Variants in MACF1 observed in about 807,000 individuals in gnomAD.
The protein encoded by MACF1 is microtubule actin crosslinking factor 1.
MACF1 carries 193 observed loss-of-function variants against 854.8 expected under a neutral mutation model. The observed-to-expected ratio is 0.23, with a 90% CI of 0.20 to 0.25. MACF1 has a LOEUF of 0.25. Ranked by LOEUF, MACF1 falls within the 10% of genes least tolerant of loss-of-function variation. The pLI, the probability that MACF1 is intolerant of heterozygous loss-of-function variation, is 1.00. For synonymous variants in MACF1, 3,185 were observed against 3,226.7 expected (o/e 0.99, Z 0.44); for missense variants, 7,722 against 8,929.1 (o/e 0.86, Z 5.45).
At chr1:39,102,018 T>C (rs991970630) in intron 2 of MACF1, among the ~76,000 whole-genome samples, 20 of 149,668 alleles carry the variant, frequency 1.3e-4, no homozygotes, top group Admixed American at 1.2e-3. Context: ...CTACTAAAAA[T>C]ACAAAAAATT....
At chr1:39,166,960 G>C (rs1239022130) in intron 2 of MACF1, among the ~76,000 whole-genome samples, 1 of 151,736 alleles carries the variant, frequency 6.6e-6, no homozygotes, top group Non-Finnish European at 1.5e-5. Context: ...TAAAGAGCAG[G>C]GATGTTAAAT....
chr1:39,228,763 C>T (rs1425813601), intron 1 of MACF1, among the ~76,000 whole-genome samples: 1 of 152,220 alleles, frequency 6.6e-6, no homozygotes, highest in Non-Finnish European at 1.5e-5. Context: ...AAGCGATTCT[C>T]CTGCCTCAGC....
intron 58 of MACF1, among the ~76,000 whole-genome samples, chr1:39,406,749 A>C (rs996282088): frequency 1.3e-5 from 2 of 150,724 alleles, no homozygotes; most frequent in South Asian, 4.2e-4. Context: ...AAAAAAAAAA[A>C]AAAAAAAAAC....
At chr1:39,436,346 C>G in intron 70 of MACF1, 1 of 836,328 alleles carries the variant, frequency 1.2e-6, no homozygotes, top group African/African-American at 1.7e-5. Context: ...TGTACTTACT[C>G]AAGTTTCTCC....
chr1:39,422,562 A>G, intron 59 of MACF1, 27 bp downstream of exon 59: 1 of 1,588,866 alleles, frequency 6.3e-7, no homozygotes, highest in Non-Finnish European at 8.6e-7. Flanking sequence ...TAGCAAGTGT[A>G]CTGGAAACGG....
intron 36 of MACF1, among the ~76,000 whole-genome samples, chr1:39,330,958 C>T (rs946473767): frequency 2.0e-5 from 3 of 151,956 alleles, no homozygotes; most frequent in African/African-American, 7.3e-5. Flanking sequence ...CGCACCACAC[C>T]CAGCTAATAT....
intron 2 of MACF1, among the ~76,000 whole-genome samples, chr1:39,185,058 G>A (rs895575222): frequency 1.3e-5 from 2 of 152,188 alleles, no homozygotes; most frequent in African/African-American, 2.4e-5. Flanking sequence ...TTGGGAGGCC[G>A]AGGCAGGTGG....
rs958944188 is a variant in MACF1, at chr1:39,372,605, A to G, written c.13213+9A>G. 3.8e-6 allele frequency: 6 copies of G among 1,561,758 alleles called. No individual in the cohort carries two copies. The highest frequency in any genetic ancestry group is 1.7e-4 in the Middle Eastern group (1 of 5,988). Reference sequence around the variant, plus strand: ...TTCCCAAGGCAAGACAGGTGAGTACAGGCTCTTCAAAATATAGTGAATAAA... The same window carrying G: ...TTCCCAAGGCAAGACAGGTGAGTACGGGCTCTTCAAAATATAGTGAATAAA... On this transcript the variant is annotated intron_variant, in intron 52 of 100. Coordinates refer to ENST00000564288, the MANE Select transcript of MACF1 (RefSeq NM_001394062.1).
intron 38 of MACF1, among the ~76,000 whole-genome samples, chr1:39,340,041 A>T (rs936700227): frequency 1.3e-5 from 2 of 152,262 alleles, no homozygotes; most frequent in African/African-American, 4.8e-5. Flanking sequence ...TTAGCTTTGT[A>T]TTCTTTGGTT....
At chr1:39,448,277 A>G (rs1157095407) in intron 83 of MACF1, 125 bp downstream of exon 83, 1 of 1,122,292 alleles carries the variant, frequency 8.9e-7, no homozygotes, top group Non-Finnish European at 1.3e-6. Context: ...AGTCAAAATG[A>G]TGAAGCCAGG....
At chr1:39,206,955 A>G (rs998300648) in intron 1 of MACF1, 10 of 151,954 alleles carry the variant, frequency 6.6e-5, no homozygotes, top group African/African-American at 2.4e-4. Flanking sequence ...TTAAAAACAC[A>G]AAGATCGCTT....
At chr1:39,241,659 CAAAA>C (rs35678466) in intron 2 of MACF1, among the ~76,000 whole-genome samples, 3 of 51,484 alleles carry the variant, frequency 5.8e-5, no homozygotes, top group African/African-American at 2.4e-4. Context: ...GACTCCATCT[CAAAA>C]AAAAAAAAAA....
intron 80 of MACF1, 97 bp downstream of exon 80, chr1:39,444,932 G>GTATT: frequency 8.9e-7 from 1 of 1,128,422 alleles, no homozygotes; most frequent in African/African-American, 1.5e-5. Flanking sequence ...GAAGACCAGG[G>GTATT]TATTGTAACA....
rs1372242044 is a variant in MACF1, at chr1:39,409,475, G to T, written c.15817-12899G>T. Reference sequence around the variant, plus strand: ...GCGGCATGGCGCGGGGAAGCGGGCCGTGCTGAGCGAGCCCCTCCGACAGAC... The same window carrying T: ...GCGGCATGGCGCGGGGAAGCGGGCCTTGCTGAGCGAGCCCCTCCGACAGAC... On this transcript the variant is annotated intron_variant, in intron 58 of 100. Coordinates refer to ENST00000564288, the MANE Select transcript of MACF1 (RefSeq NM_001394062.1). This position sits in a 1 kb window ranked among gnomAD's most constrained non-coding sequence, Gnocchi z 4.2. 2.0e-5 allele frequency: 3 copies of T among 152,284 alleles called. No homozygotes were observed. In the East Asian group the frequency reaches 5.8e-4, roughly 29 times the overall value. 9.4% of individuals were successfully genotyped at this position (152,284 alleles called of 1,614,324 possible). A position where few individuals can be genotyped will look rare whatever the true frequency, so the allele number is the denominator to read the frequency against.
intron 2 of MACF1, among the ~76,000 whole-genome samples, chr1:39,167,770 A>G (rs956169014): frequency 1.3e-5 from 2 of 151,352 alleles, no homozygotes; most frequent in Non-Finnish European, 2.9e-5. Flanking sequence ...GCTATTCAGG[A>G]GGCTGAGGTA....
At chr1:39,264,617 CAG>C (rs1557551491) in intron 6 of MACF1, among the ~76,000 whole-genome samples, 2 of 151,348 alleles carry the variant, frequency 1.3e-5, no homozygotes, top group Non-Finnish European at 2.9e-5. Context: ...AACTGAAACA[CAG>C]AGACCGACTG....
intron 52 of MACF1, among the ~76,000 whole-genome samples, chr1:39,376,189 G>T (rs1318453460): frequency 3.9e-5 from 6 of 152,124 alleles, no homozygotes; most frequent in African/African-American, 1.4e-4. Context: ...TTAAGGTGTA[G>T]AATTCAGCAT....
chr1:39,381,959 G>A lies in MACF1; in HGVS notation c.13655G>A (p.Arg4552Gln), dbSNP rs765485621. Residue 4552 changes from arginine (R) to glutamine (Q), a missense_variant, in exon 56 of 101, where the codon CGA becomes CAA. Arg to Gln is a conservative substitution (Grantham distance 43). This residue lies in a region of MACF1 where 2,807 missense variants were observed against 3,235.8 expected (regional missense o/e 0.87). Transcript: ENST00000564288. ...WKKIQEELNS[R>Q]WERATEVTVA... ...CCTCATTTCCTCTCTACAGATTCCC[G>A]ATGGGAAAGGGCCACTGAGGTTACT... 16 of 1,612,748 alleles carry A rather than the reference G, an allele frequency of 9.9e-6. No individual in the cohort carries two copies. The highest frequency in any genetic ancestry group is 3.3e-5 in the South Asian group (3 of 91,058).
chr1:39,455,620 AGT>A lies in MACF1; in HGVS notation c.21075+527_21075+528del, dbSNP rs540052230. Among the ~76,000 whole-genome samples, 153 of 152,250 alleles carry A rather than the reference AGT, an allele frequency of 1.0e-3. 1 individual carries two copies. Among genetic ancestry groups the A allele is most frequent in the South Asian group, 1.7e-3 (8 of 4,820 alleles). ...CACTCAAGGGAGGGGGATTACATAGAGTGTGCATACAGGAGTGGGAATCCTGG... is the reference window on the plus strand; with the variant it reads ...CACTCAAGGGAGGGGGATTACATAGAGTGCATACAGGAGTGGGAATCCTGG... On this transcript the variant is annotated intron_variant, in intron 89 of 100. Coordinates refer to ENST00000564288, the MANE Select transcript of MACF1 (RefSeq NM_001394062.1).
Sources: gnomAD v4.1 joint callset for allele counts (sites outside exome capture counted in the v4.1 genomes callset) on GRCh38, gnomAD v4.1.1 for gene constraint, gnomAD v4.1.1 regional missense constraint, Gnocchi (gnomAD v3.1) non-coding constraint, MANE v1.5 for transcripts, NCBI Gene and HGNC (gene_info 2026-07-23, HGNC 2026-07-21) for gene names.